KSR2: variants seen among roughly 807,000 people sequenced by gnomAD.
KSR2 encodes the protein kinase suppressor of ras 2.
A neutral mutation model predicts 107.8 loss-of-function variants in KSR2; 25 were observed. That is an observed-to-expected ratio of 0.23 (90% CI 0.17 to 0.32). The LOEUF (loss-of-function observed/expected upper bound fraction) is 0.32, where lower values mean the gene tolerates loss of function less well. Ranked by LOEUF, KSR2 falls within the 10% of genes least tolerant of loss-of-function variation. The probability of loss-of-function intolerance (pLI) is 1.00; values close to 1 mark genes in which losing one functional copy is unlikely to be tolerated. For synonymous variants in KSR2, 480 were observed against 507.0 expected (o/e 0.95, Z 0.71); for missense variants, 887 against 1,268.9 (o/e 0.70, Z 4.57).
chr12:117,762,661 T>G (rs766653211), intron 3 of KSR2, among the ~76,000 whole-genome samples: 20 of 152,260 alleles, frequency 1.3e-4, no homozygotes, highest in Admixed American at 2.0e-4. Context: ...GGTCACGAGT[T>G]TGAGACCAGC....
chr12:117,731,816 T>A (rs1030036709), intron 4 of KSR2, among the ~76,000 whole-genome samples: 1 of 150,124 alleles, frequency 6.7e-6, no homozygotes, highest in Non-Finnish European at 1.5e-5. Flanking sequence ...TGTGCTTTGT[T>A]AAACAGATGC....
At chr12:117,523,583 G>A (rs1874909936) in intron 14 of KSR2, among the ~76,000 whole-genome samples, 1 of 152,186 alleles carries the variant, frequency 6.6e-6, no homozygotes, top group Non-Finnish European at 1.5e-5. Context: ...AGTTCTCTAT[G>A]AACTATCCCT....
At chr12:117,846,208 T>A (rs1892699389) in intron 3 of KSR2, among the ~76,000 whole-genome samples, 1 of 152,022 alleles carries the variant, frequency 6.6e-6, no homozygotes, top group Non-Finnish European at 1.5e-5. Flanking sequence ...ACTGACCTGC[T>A]CTGATCAGCC....
At chr12:117,759,680 T>A (rs1451286247) in intron 4 of KSR2, among the ~76,000 whole-genome samples, 3 of 152,206 alleles carry the variant, frequency 2.0e-5, no homozygotes, top group Non-Finnish European at 4.4e-5. Flanking sequence ...CCGTTCTACT[T>A]TCTGCCTCTA....
chr12:117,666,129 C>T (rs1463747900), intron 5 of KSR2, among the ~76,000 whole-genome samples: 1 of 152,190 alleles, frequency 6.6e-6, no homozygotes, highest in Non-Finnish European at 1.5e-5. Context: ...CAAGACAAGG[C>T]AGTCTCTGGA....
intron 5 of KSR2, among the ~76,000 whole-genome samples, chr12:117,630,717 T>A (rs1228995079): frequency 1.3e-5 from 2 of 151,982 alleles, no homozygotes; most frequent in Admixed American, 6.6e-5. Context: ...AATTAGGAAA[T>A]GCAAATTGGC....
intron 14 of KSR2, among the ~76,000 whole-genome samples, chr12:117,489,314 G>A (rs929507358): frequency 6.6e-6 from 1 of 152,162 alleles, no homozygotes; most frequent in South Asian, 2.1e-4. Context: ...TTGAAGGTAC[G>A]TTATCCTTCC....
chr12:117,597,089 A>G (rs185686526), intron 5 of KSR2, among the ~76,000 whole-genome samples: 53 of 152,188 alleles, frequency 3.5e-4, no homozygotes, highest in Non-Finnish European at 2.9e-5. Context: ...AATATCATCA[A>G]TGTAGTAGTG....
chr12:117,479,543 C>T (rs947143686), intron 16 of KSR2, among the ~76,000 whole-genome samples: 5 of 152,090 alleles, frequency 3.3e-5, no homozygotes, highest in African/African-American at 9.7e-5. Flanking sequence ...GCCGTTAGCA[C>T]CCCCCTCCCC....
intron 7 of KSR2, among the ~76,000 whole-genome samples, chr12:117,570,598 G>A (rs886095429): frequency 2.6e-5 from 4 of 152,218 alleles, no homozygotes; most frequent in African/African-American, 9.6e-5. Context: ...ACCCATGGAA[G>A]CGATTTAGTG....
rs370866281 is a variant in KSR2 at position 117,839,378 on chromosome 12, GT to G, written c.472+16049del. Among the ~76,000 whole-genome samples the G allele has an allele frequency of 8.2e-4, 125 of 152,308 alleles. 2 individuals carry two copies. The South Asian group carries it at 0.018, about 22-fold the overall frequency. ...TGGTACCCCGCAATTTACTGGCCAT[GT>G]GACCTTGGTTGGGTACCATGGTTCA... On this transcript the variant is annotated intron_variant, in intron 3 of 19. Transcript: ENST00000339824.
chr12:117,920,776 G>A (rs776573096), intron 1 of KSR2, among the ~76,000 whole-genome samples: 30 of 152,110 alleles, frequency 2.0e-4, no homozygotes, highest in Non-Finnish European at 2.4e-4. Context: ...GGCTGCCCAC[G>A]CTACACAACA....
intron 14 of KSR2, among the ~76,000 whole-genome samples, chr12:117,514,490 A>T (rs1054046484): frequency 1.3e-5 from 2 of 151,070 alleles, no homozygotes; most frequent in African/African-American, 4.9e-5. Flanking sequence ...CAAGTTCCTT[A>T]GCCTGACTTG....
chr12:117,898,329 T>C (rs922962603), intron 1 of KSR2, among the ~76,000 whole-genome samples: 4 of 151,480 alleles, frequency 2.6e-5, no homozygotes, highest in Non-Finnish European at 5.9e-5. Flanking sequence ...GTCTCCTTTT[T>C]TTTAACTTTT....
Position 117,907,025 on chromosome 12 carries a change from A to T in KSR2, c.181-46594T>A, listed in dbSNP as rs1894875532. ...ACAGAGCGAGACCCTGTCCAAAAAG[A>T]TCCAAAACTCTGTATCTCTAACAAG... On this transcript the variant is annotated intron_variant, in intron 1 of 19. Coordinates refer to ENST00000339824, the MANE Select transcript of KSR2 (RefSeq NM_173598.6). This position sits in a 1 kb window ranked among gnomAD's most constrained non-coding sequence, Gnocchi z 4.3. 1.3e-5 allele frequency among the ~76,000 whole-genome samples: 2 copies of T among 152,074 alleles called. No individual in the cohort carries two copies. The highest frequency in any genetic ancestry group is 2.9e-5 in the Non-Finnish European group (2 of 68,018).
rs1420393014 is a variant in KSR2 at position 117,793,631 on chromosome 12, TTA to T, written c.473-32109_473-32108del. 3.8e-5 allele frequency among the ~76,000 whole-genome samples: 4 copies of T among 106,546 alleles called. No homozygotes were observed. In the East Asian group the frequency reaches 9.2e-4, roughly 24 times the overall value. 69.9% of individuals were successfully genotyped at this position (106,546 alleles called of 152,430 possible). A position where few individuals can be genotyped will look rare whatever the true frequency, so the allele number is the denominator to read the frequency against. On this transcript the variant is annotated intron_variant, in intron 3 of 19. Coordinates refer to ENST00000339824, the MANE Select transcript of KSR2 (RefSeq NM_173598.6). ...TGCACACTCACACCAACATGCACACTTATCCCATGCACATATACACCAATATG... is the reference window on the plus strand; with the variant it reads ...TGCACACTCACACCAACATGCACACTTCCCATGCACATATACACCAATATG...
intron 9 of KSR2, among the ~76,000 whole-genome samples, chr12:117,548,427 T>A (rs186191788): frequency 1.4e-4 from 22 of 152,322 alleles, no homozygotes; most frequent in African/African-American, 5.3e-4. Context: ...AATATATATT[T>A]TCTTCCTTAT....
chr12:117,715,841 G>A (rs1418817712), intron 4 of KSR2, among the ~76,000 whole-genome samples: 1 of 152,158 alleles, frequency 6.6e-6, no homozygotes, highest in Non-Finnish European at 1.5e-5. Context: ...TATCAAGTCA[G>A]TTGAGTCTCT....
At chr12:117,564,026 A>G (rs1281197424) in intron 7 of KSR2, among the ~76,000 whole-genome samples, 1 of 151,574 alleles carries the variant, frequency 6.6e-6, no homozygotes, top group Non-Finnish European at 1.5e-5. Flanking sequence ...AGAAATTCAG[A>G]GCATGAACGT....
Sources: gnomAD v4.1 joint callset for allele counts (sites outside exome capture counted in the v4.1 genomes callset) on GRCh38, gnomAD v4.1.1 for gene constraint, Gnocchi (gnomAD v3.1) non-coding constraint, MANE v1.5 for transcripts, NCBI Gene and HGNC (gene_info 2026-07-23, HGNC 2026-07-21) for gene names.